APBB2: variants seen among roughly 807,000 people sequenced by gnomAD.
APBB2 encodes Fe65-like 1.
Under a neutral mutation model 82.5 loss-of-function variants are expected in APBB2, and 38 were observed. The observed-to-expected ratio is 0.46, with a 90% CI of 0.36 to 0.60. The LOEUF (loss-of-function observed/expected upper bound fraction) is 0.60. Ranked by LOEUF, APBB2 falls within the 20% of genes least tolerant of loss-of-function variation. The pLI is 0.00. For synonymous variants in APBB2, 341 were observed against 368.2 expected (o/e 0.93, Z 0.85); for missense variants, 772 against 972.3 (o/e 0.79, Z 2.74).
chr4:41,048,393 T>C (rs1724219888), intron 4 of APBB2, among the ~76,000 whole-genome samples: 1 of 152,240 alleles, frequency 6.6e-6, no homozygotes, highest in Non-Finnish European at 1.5e-5. Context: ...TAACTGCTAA[T>C]ATATCAATCA....
At chr4:40,881,538 T>C (rs993145270) in intron 12 of APBB2, 8 of 243,208 alleles carry the variant, frequency 3.3e-5, no homozygotes, top group Non-Finnish European at 5.0e-5. Flanking sequence ...CTTTTTCTTT[T>C]TTTTTTTTTT....
intron 1 of APBB2, among the ~76,000 whole-genome samples, chr4:41,168,492 C>A (rs183072673): frequency 1.2e-3 from 180 of 152,108 alleles, no homozygotes; most frequent in African/African-American, 4.1e-3. Flanking sequence ...GCACCTGCCA[C>A]CATGCCCAGC....
intron 3 of APBB2, among the ~76,000 whole-genome samples, chr4:41,074,201 C>T (rs1734830028): frequency 6.6e-6 from 1 of 152,146 alleles, no homozygotes; most frequent in East Asian, 1.9e-4. Flanking sequence ...GTTATTTTTG[C>T]TTCCAGTAAA....
At chr4:40,858,851 G>A (rs1762087861) in intron 12 of APBB2, among the ~76,000 whole-genome samples, 1 of 152,204 alleles carries the variant, frequency 6.6e-6, no homozygotes, top group Non-Finnish European at 1.5e-5. Context: ...ATTTGGAAGA[G>A]TTATTGACAG....
At chr4:41,007,058 A>G (rs1560508752) in intron 6 of APBB2, among the ~76,000 whole-genome samples, 4 of 152,172 alleles carry the variant, frequency 2.6e-5, no homozygotes, top group Non-Finnish European at 5.9e-5. Flanking sequence ...CAAACTCTAA[A>G]GCAACACTGC....
intron 4 of APBB2, among the ~76,000 whole-genome samples, chr4:41,049,341 T>TG (rs1724890477): frequency 3.5e-5 from 3 of 86,200 alleles, no homozygotes; most frequent in East Asian, 6.9e-4. Flanking sequence ...GAGGAGCGTC[T>TG]CCGACCGGCA....
intron 10 of APBB2, among the ~76,000 whole-genome samples, chr4:40,907,106 A>G (rs111935609): frequency 9.9e-5 from 15 of 152,114 alleles, no homozygotes; most frequent in South Asian, 6.2e-4. Context: ...CTTAATCCAC[A>G]TATCAACACA....
At chr4:40,835,749 G>A (rs1449085779) in intron 12 of APBB2, among the ~76,000 whole-genome samples, 1 of 152,230 alleles carries the variant, frequency 6.6e-6, no homozygotes, top group African/African-American at 2.4e-5. Context: ...GCCAAGGGAA[G>A]GGGACTGCTG....
intron 6 of APBB2, 32 bp from the exon 7 acceptor site, chr4:40,945,105 AAGAG>A (rs779483716): frequency 1.5e-6 from 2 of 1,326,866 alleles, no homozygotes; most frequent in Admixed American, 1.7e-5. Context: ...CGGGGGGAGA[AAGAG>A]AGAATTTTAT....
At chr4:40,931,625 C>T (rs1415799132) in intron 10 of APBB2, among the ~76,000 whole-genome samples, 1 of 152,148 alleles carries the variant, frequency 6.6e-6, no homozygotes, top group Non-Finnish European at 1.5e-5. Flanking sequence ...GTTAAATAAT[C>T]ACCAGGAGGC....
intron 4 of APBB2, among the ~76,000 whole-genome samples, chr4:41,050,311 C>A (rs1022042684): frequency 6.6e-6 from 1 of 152,138 alleles, no homozygotes; most frequent in African/African-American, 2.4e-5. Flanking sequence ...GCTTAGAATT[C>A]CTTCACATAT....
chr4:40,881,264 T>G (rs1413709706), intron 12 of APBB2: 57 of 984,880 alleles, frequency 5.8e-5, no homozygotes, highest in Non-Finnish European at 6.4e-5. Context: ...CTTTTCTCCC[T>G]GAGGCAAGAC....
chr4:41,112,976 G>A (rs1456469059), intron 2 of APBB2, among the ~76,000 whole-genome samples: 3 of 150,886 alleles, frequency 2.0e-5, no homozygotes, highest in Non-Finnish European at 1.5e-5. Context: ...GACAGAGCGA[G>A]ACTCTGTCTC....
At chr4:40,971,157 A>T (rs192151103) in intron 6 of APBB2, among the ~76,000 whole-genome samples, 1 of 152,336 alleles carries the variant, frequency 6.6e-6, no homozygotes, top group Admixed American at 6.5e-5. Context: ...ACCGACTGAT[A>T]AACTCCAGCA....
chr4:41,053,953 C>A (rs1336138859), intron 4 of APBB2, among the ~76,000 whole-genome samples: 1 of 152,188 alleles, frequency 6.6e-6, no homozygotes, highest in African/African-American at 2.4e-5. Context: ...GAGGAAAAGG[C>A]TCATAACATC....
chr4:40,845,182 C>T (rs750324006), intron 12 of APBB2, among the ~76,000 whole-genome samples: 2 of 152,248 alleles, frequency 1.3e-5, no homozygotes, highest in African/African-American at 2.4e-5. Context: ...AATAAGACAC[C>T]GCAGAGTGAT....
intron 1 of APBB2, among the ~76,000 whole-genome samples, chr4:41,214,140 C>T (rs1353878877): frequency 6.6e-6 from 1 of 152,210 alleles, no homozygotes; most frequent in African/African-American, 2.4e-5. Context: ...AGTCGCCGTG[C>T]CACTGGCCCT....
At chr4:41,145,834 C>A (rs1366753113) in intron 1 of APBB2, among the ~76,000 whole-genome samples, 1 of 152,228 alleles carries the variant, frequency 6.6e-6, no homozygotes, top group Non-Finnish European at 1.5e-5. Context: ...CTGAAGGCAT[C>A]AAGTCTGGCC....
At chr4:40,831,850 T>C (rs1752019607) in intron 12 of APBB2, among the ~76,000 whole-genome samples, 1 of 152,136 alleles carries the variant, frequency 6.6e-6, no homozygotes, top group Admixed American at 6.6e-5. Context: ...CGATGTTGGG[T>C]GTTCGCATTT....
Sources: allele counts gnomAD v4.1 joint callset (sites outside exome capture counted in the v4.1 genomes callset), GRCh38; gene constraint gnomAD v4.1.1; transcripts MANE v1.5; gene names NCBI Gene and HGNC (gene_info 2026-07-23, HGNC 2026-07-21).